The following ZNF7 variants were observed in gnomAD, a reference collection of about 807,000 sequenced individuals.
The protein encoded by ZNF7 is C2-H2 type zinc finger protein.
ZNF7 carries 10 observed loss-of-function variants against 12.0 expected under a neutral mutation model. The observed-to-expected ratio is 0.83, with a 90% CI of 0.51 to 1.42. The LOEUF (loss-of-function observed/expected upper bound fraction) is 1.42. Ranked by LOEUF, ZNF7 falls within the 40% of genes most tolerant of loss-of-function variation. The pLI, the probability that ZNF7 is intolerant of heterozygous loss-of-function variation, is 0.00. For missense variants in ZNF7, 854 were observed against 837.2 expected (o/e 1.02, Z -0.25); for synonymous variants, 334 against 295.0 (o/e 1.13, Z -1.35).
rs1419587579 is a variant in ZNF7, at chr8:144,842,004, C to G, written c.897C>G (p.Ile299Met). 2.5e-6 allele frequency: 4 copies of G among 1,614,174 alleles called. No homozygotes were observed. Among genetic ancestry groups the G allele is most frequent in the South Asian group, 2.2e-5 (2 of 91,080 alleles). ...CAAAACTTATTCAGCATCAAAGAATCCACACTGGGGAGAAGCCCTACAGAT... is the reference window on the plus strand; with the variant it reads ...CAAAACTTATTCAGCATCAAAGAATGCACACTGGGGAGAAGCCCTACAGAT... ...LSSKLIQHQR[I>M]HTGEKPYRCE... Residue 299 changes from isoleucine (I) to methionine (M), a missense_variant, in exon 5 of 5, where the codon ATC becomes ATG. Ile to Met is a conservative substitution (Grantham distance 10, BLOSUM62 1). Transcript: ENST00000532777.
Position 144,842,024 on chromosome 8 carries a change from A to G in ZNF7, c.917A>G (p.Tyr306Cys), listed in dbSNP as rs746650017. The change falls in exon 5 of 5, where the codon TAC becomes TGC. Residue 306 changes from tyrosine to cysteine, a missense_variant. Physicochemically the swap from Tyr to Cys is radical, Grantham distance 194 (BLOSUM62 -2). Coordinates refer to ENST00000532777, the MANE Select transcript of ZNF7 (RefSeq NM_003416.4). Reference sequence around the variant, plus strand: ...AGAATCCACACTGGGGAGAAGCCCTACAGATGTGAGGAATGTGGAAAAGCT... The same window carrying G: ...AGAATCCACACTGGGGAGAAGCCCTGCAGATGTGAGGAATGTGGAAAAGCT... ...HQRIHTGEKPYRCEECGKAFG... is the reference protein window; with the variant it reads ...HQRIHTGEKPCRCEECGKAFG... 59 of 1,614,108 alleles carry G rather than the reference A, an allele frequency of 3.7e-5. No individual in the cohort carries two copies. Among genetic ancestry groups the G allele is most frequent in the Admixed American group, 2.0e-4 (12 of 60,004 alleles).
In ZNF7 at chr8:144,838,060, C is replaced by G. The variant is rs1249927580; in HGVS notation, c.247+553C>G. On this transcript the variant is annotated intron_variant, in intron 4 of 4. Coordinates refer to ENST00000532777, the MANE Select transcript of ZNF7 (RefSeq NM_003416.4). ...GGGGTCAGCAAGCAGGGCCGTGCCC[C>G]CCTGTGAAGGCTTTAGGGAAGGATC... 2.3e-5 allele frequency: 16 copies of G among 702,872 alleles called. 1 individual carries two copies. In the East Asian group the frequency reaches 4.3e-4, roughly 19 times the overall value. The allele number at this position is 702,872 out of a possible 1,614,324, so 43.5% of individuals were successfully genotyped here.
rs1828134792 is a variant in ZNF7, at chr8:144,829,108, C to T, written c.3+18C>T. ...GCCTCATGGTAGGAAGCTTGACTGC[C>T]TCCTTCCCCTCGCATGTCCTGTGAA... On this transcript the variant is annotated intron_variant, in intron 2 of 4. Transcript: ENST00000532777. The T allele has an allele frequency of 1.9e-6, 3 of 1,613,696 alleles. No individual in the cohort carries two copies. Among genetic ancestry groups the T allele is most frequent in the South Asian group, 2.2e-5 (2 of 90,982 alleles).
downstream of ZNF7, among the ~76,000 whole-genome samples, chr8:144,845,742 G>A (rs1033354827): frequency 2.0e-5 from 3 of 152,118 alleles, no homozygotes; most frequent in African/African-American, 4.8e-5. Context: ...GGCTCCTCCC[G>A]GTGTACAAGG....
chr8:144,834,095 A>G (rs571928052), intron 3 of ZNF7: 3 of 152,326 alleles, frequency 2.0e-5, no homozygotes, highest in Admixed American at 6.5e-5. Flanking sequence ...ATTTTAGAAT[A>G]AGTTGAGTTC....
intron 4 of ZNF7, chr8:144,838,387 C>A: frequency 2.1e-6 from 1 of 480,842 alleles, no homozygotes; most frequent in East Asian, 3.4e-5. Context: ...CCAGGGCACC[C>A]ACTGCCTCCG....
rs199702643 is a variant in ZNF7, at chr8:144,837,492, A to G, written c.232A>G (p.Arg78Gly). 2 of 1,610,094 alleles carry G rather than the reference A, an allele frequency of 1.2e-6. No individual in the cohort carries two copies. Among genetic ancestry groups the G allele is most frequent in the Non-Finnish European group, 1.7e-6 (2 of 1,176,874 alleles). ...LQGAEGTEAP[R>G]TSKTDSTIRT... Reference sequence around the variant, plus strand: ...GGGAGCAGAGGGGACAGAGGCACCAAGGACCTCCAAGACAGGTGAGGCTTA... The same window carrying G: ...GGGAGCAGAGGGGACAGAGGCACCAGGGACCTCCAAGACAGGTGAGGCTTA... Residue 78 changes from arginine (R) to glycine (G), a missense_variant, in exon 4 of 5, where the codon AGG becomes GGG. Transcript: ENST00000532777.
At chr8:144,845,728 C>T, downstream of ZNF7, among the ~76,000 whole-genome samples, 1 of 152,198 alleles carries the variant, frequency 6.6e-6, no homozygotes, top group East Asian at 1.9e-4. Context: ...CCTGCCTCTT[C>T]AGGGGCTCCT....
At chr8:144,827,791 C>T (rs1230002153) in intron 1 of ZNF7, 182 bp downstream of exon 1, 9 of 673,674 alleles carry the variant, frequency 1.3e-5, no homozygotes, top group Non-Finnish European at 1.7e-5. Context: ...AGCCCAGCCA[C>T]CCTCCCCCGC....
chr8:144,846,512 C>G (rs1043381443), downstream of ZNF7: 3 of 228,608 alleles, frequency 1.3e-5, no homozygotes, highest in African/African-American at 6.7e-5. Flanking sequence ...GCCAAGTCAC[C>G]TTGAACTTGG....
chr8:144,838,965 A>T (rs1427037327), intron 4 of ZNF7: 1 of 145,978 alleles, frequency 6.9e-6, no homozygotes, highest in Non-Finnish European at 1.5e-5. Flanking sequence ...AAAAAAAAGC[A>T]GGGGCTGTGA....
chr8:144,832,995 C>T (rs995746614), intron 3 of ZNF7, among the ~76,000 whole-genome samples: 15 of 151,814 alleles, frequency 9.9e-5, no homozygotes, highest in African/African-American at 3.1e-4. Flanking sequence ...GTCAGGAGTT[C>T]GAGACCAGCC....
At chr8:144,843,810 C>T (rs999481064), downstream of ZNF7, 2 of 152,142 alleles carry the variant, frequency 1.3e-5, no homozygotes, top group African/African-American at 4.8e-5. Context: ...AAACTCTTTT[C>T]CCTTAAGTAT....
intron 4 of ZNF7, chr8:144,838,879 TTGCAGTGA>T (rs1829438220): frequency 2.8e-5 from 1 of 36,336 alleles, no homozygotes; most frequent in East Asian, 6.1e-4. Flanking sequence ...GAGGCAGAGC[TTGCAGTGA>T]GCCGAGATTG....
At chr8:144,833,232 T>C (rs1305248938) in intron 3 of ZNF7, among the ~76,000 whole-genome samples, 1 of 150,838 alleles carries the variant, frequency 6.6e-6, no homozygotes, top group Non-Finnish European at 1.5e-5. Flanking sequence ...CTCCTTTTCC[T>C]GTTGACATGT....
downstream of ZNF7, chr8:144,846,948 T>A (rs374964809): frequency 1.3e-5 from 2 of 152,256 alleles, no homozygotes; most frequent in African/African-American, 4.8e-5. Context: ...TCCGCCCGCC[T>A]CGGCCTCCCT....
At chr8:144,845,908 G>A (rs527428485), downstream of ZNF7, 1 of 1,455,126 alleles carries the variant, frequency 6.9e-7, no homozygotes, top group Admixed American at 2.1e-5. Flanking sequence ...GTCTTGGCAG[G>A]TAATGTGCTT....
In ZNF7 at chr8:144,841,773, T is replaced by C. The variant is rs966398462; in HGVS notation, c.666T>C (p.Ile222=). The change falls in exon 5 of 5, where the codon ATT becomes ATC. Residue 222 remains isoleucine (I), a synonymous_variant. Transcript: ENST00000532777. ...ALHWEINTQK[I]SRCQECQKKL... ...ATTGGGAAATTAATACACAGAAAAT[T>C]AGCAGATGTCAAGAATGCCAAAAAA... 6.2e-7 allele frequency: 1 copy of C among 1,613,930 alleles called. No individual in the cohort carries two copies. The highest frequency in any genetic ancestry group is 1.3e-5 in the African/African-American group (1 of 74,892).
In ZNF7 at chr8:144,843,171, C is replaced by CACTT; in HGVS notation, c.*6_*9dup. ...ATCAAAAAATTCACATGGGATAGACCACTTACATATAAATGTGTATATATG... is the reference window on the plus strand; with the variant it reads ...ATCAAAAAATTCACATGGGATAGACCACTTACTTACATATAAATGTGTATATATG... On this transcript the variant is annotated 3_prime_UTR_variant, in exon 5 of 5. Coordinates refer to ENST00000532777, the MANE Select transcript of ZNF7 (RefSeq NM_003416.4). 1.3e-6 allele frequency: 2 copies of CACTT among 1,566,636 alleles called. No homozygotes were observed. The highest frequency in any genetic ancestry group is 1.7e-6 in the Non-Finnish European group (2 of 1,160,860).
Sources: allele counts gnomAD v4.1 joint callset (sites outside exome capture counted in the v4.1 genomes callset), GRCh38; gene constraint gnomAD v4.1.1; transcripts MANE v1.5; gene names NCBI Gene and HGNC (gene_info 2026-07-23, HGNC 2026-07-21).